The following LINGO2 variants were observed in gnomAD, a reference collection of about 807,000 sequenced individuals.
LINGO2 encodes leucine rich repeat and Ig domain containing 2.
In LINGO2, 14 loss-of-function variants were observed where a neutral mutation model predicts 30.6. The observed-to-expected ratio is 0.46, with a 90% confidence interval of 0.30 to 0.72. The LOEUF (loss-of-function observed/expected upper bound fraction) is 0.72. LINGO2 is among the 30% of genes least tolerant of loss of function. The pLI, the probability that LINGO2 is intolerant of heterozygous loss-of-function variation, is 0.07. For synonymous variants in LINGO2, 317 were observed against 288.5 expected, an observed-to-expected ratio of 1.10 and a Z score of -1.00; for missense variants, 729 against 751.7, an observed-to-expected ratio of 0.97 and a Z score of 0.35.
the LINGO2 span, among the ~76,000 whole-genome samples, chr9:29,213,244 A>G: frequency 6.6e-6 from 1 of 152,108 alleles, no homozygotes; most frequent in Non-Finnish European, 1.5e-5. Flanking sequence ...ATCAGGCAGG[A>G]TATTCTCAGT....
intron 4 of LINGO2, among the ~76,000 whole-genome samples, chr9:28,142,890 ATAACT>A (rs1247298725): frequency 6.6e-6 from 1 of 152,326 alleles, no homozygotes. Context: ...TACTGACTAG[ATAACT>A]TAACAGTTGG....
chr9:28,082,504 A>G (rs1311190735), intron 4 of LINGO2, among the ~76,000 whole-genome samples: 1 of 152,128 alleles, frequency 6.6e-6, no homozygotes. Context: ...TATGATTTCT[A>G]GCTGTAAATT....
chr9:28,513,682 C>G (rs1322035648), intron 1 of LINGO2, among the ~76,000 whole-genome samples: 1 of 152,096 alleles, frequency 6.6e-6, no homozygotes, highest in African/African-American at 2.4e-5. Context: ...AGATATTGTT[C>G]TATAAAATTA....
chr9:28,039,285 GC>G (rs1432758384), intron 4 of LINGO2, among the ~76,000 whole-genome samples: 1 of 152,132 alleles, frequency 6.6e-6, no homozygotes, highest in Non-Finnish European at 1.5e-5. Flanking sequence ...AAAGGAAAAG[GC>G]CAATACACTT....
the LINGO2 span, among the ~76,000 whole-genome samples, chr9:29,003,986 A>C: frequency 2.0e-5 from 3 of 152,002 alleles, no homozygotes; most frequent in African/African-American, 7.2e-5. Context: ...CCAATCTAAA[A>C]ATGACACTTT....
intron 4 of LINGO2, among the ~76,000 whole-genome samples, chr9:28,252,160 T>A (rs1321767829): frequency 1.3e-5 from 2 of 152,196 alleles, no homozygotes. Flanking sequence ...TATGAAAGAA[T>A]ATTTGCAGTG....
At chr9:28,937,712 T>C in the LINGO2 span, among the ~76,000 whole-genome samples, 136,914 of 152,176 alleles carry the variant, frequency 0.9, 61,821 homozygotes, top group Non-Finnish European at 0.94. Context: ...GCCTTGCACC[T>C]TTGCATCTGT....
At chr9:28,197,072 A>G (rs1820040342) in intron 4 of LINGO2, among the ~76,000 whole-genome samples, 1 of 152,006 alleles carries the variant, frequency 6.6e-6, no homozygotes, top group Admixed American at 6.6e-5. Context: ...AACACAAGGA[A>G]ATGATAAATC....
At chr9:28,461,409 G>A (rs1825076487) in intron 2 of LINGO2, among the ~76,000 whole-genome samples, 1 of 152,010 alleles carries the variant, frequency 6.6e-6, no homozygotes, top group African/African-American at 2.4e-5. Flanking sequence ...TCTTAAATTT[G>A]TGTTTACTCC....
chr9:28,256,387 A>G (rs2134027998), intron 4 of LINGO2, among the ~76,000 whole-genome samples: 1 of 152,064 alleles, frequency 6.6e-6, no homozygotes, highest in Admixed American at 6.6e-5. Flanking sequence ...AAGGACAAAT[A>G]TGTCCTTCAT....
the LINGO2 span, among the ~76,000 whole-genome samples, chr9:28,830,840 C>T: frequency 6.8e-6 from 1 of 147,756 alleles, no homozygotes; most frequent in Non-Finnish European, 1.5e-5. Context: ...CACACGTGTG[C>T]ATGGTATATA....
chr9:27,948,499 C>G, exon 6 of LINGO2: 1 of 214,836 alleles, frequency 4.7e-6, no homozygotes, highest in Non-Finnish European at 9.2e-6. Flanking sequence ...AAATCCTACA[C>G]TGTAGGTTGT....
rs776026180 is a variant in LINGO2 at position 28,077,560 on chromosome 9, A to C, written c.-86-65155T>G. ...ATGTTCCTATTTAAGTAAATGCATCAAAACTATTATCTTATTTTTTTCATA... is the reference window on the plus strand; with the variant it reads ...ATGTTCCTATTTAAGTAAATGCATCCAAACTATTATCTTATTTTTTTCATA... On this transcript the variant is annotated intron_variant, in intron 4 of 5. Coordinates refer to ENST00000379992, the Ensembl canonical transcript of LINGO2. 2.7e-5 allele frequency among the ~76,000 whole-genome samples: 4 copies of C among 149,852 alleles called. 1 individual carries two copies. The highest frequency in any genetic ancestry group is 1.0e-4 in the African/African-American group (4 of 39,164).
intron 4 of LINGO2, among the ~76,000 whole-genome samples, chr9:28,201,611 G>A (rs1377759885): frequency 6.6e-6 from 1 of 151,168 alleles, no homozygotes; most frequent in Non-Finnish European, 1.5e-5. Context: ...GGATGGCTGG[G>A]TCAAATGGTA....
At chr9:29,146,778 C>T in the LINGO2 span, among the ~76,000 whole-genome samples, 2 of 151,952 alleles carry the variant, frequency 1.3e-5, no homozygotes, top group Non-Finnish European at 2.9e-5. Flanking sequence ...TAACTCTGAA[C>T]CAAAGACAAA....
At chr9:28,881,875 G>C in the LINGO2 span, among the ~76,000 whole-genome samples, 2 of 152,158 alleles carry the variant, frequency 1.3e-5, no homozygotes, top group Non-Finnish European at 2.9e-5. Flanking sequence ...TCATCATTTA[G>C]CTTCCGCTTA....
chr9:28,857,294 G>C, the LINGO2 span, among the ~76,000 whole-genome samples: 3 of 151,984 alleles, frequency 2.0e-5, no homozygotes, highest in African/African-American at 7.2e-5. Flanking sequence ...CAAAAGCCAC[G>C]TTACAACAAC....
chr9:28,059,930 A>C (rs2133117381), intron 4 of LINGO2, among the ~76,000 whole-genome samples: 1 of 152,062 alleles, frequency 6.6e-6, no homozygotes. Flanking sequence ...TTTGGATGCA[A>C]AACACCTGGG....
At chr9:28,731,140 C>G in the LINGO2 span, among the ~76,000 whole-genome samples, 3 of 151,998 alleles carry the variant, frequency 2.0e-5, no homozygotes, top group African/African-American at 7.2e-5. Context: ...CAGGCATGCA[C>G]CACCACACCC....
Sources: gnomAD v4.1 joint callset for allele counts (sites outside exome capture counted in the v4.1 genomes callset) on GRCh38, gnomAD v4.1.1 for gene constraint, MANE v1.5 for transcripts, NCBI Gene and HGNC (gene_info 2026-07-23, HGNC 2026-07-21) for gene names.